LRMDA: variants seen among roughly 807,000 people sequenced by gnomAD.
LRMDA encodes leucine-rich melanocyte differentiation-associated protein.
A neutral mutation model predicts 29.8 loss-of-function variants in LRMDA; 18 were observed. The observed-to-expected ratio is 0.60, with a 90% CI of 0.42 to 0.90. The LOEUF is 0.90. LRMDA is among the 40% of genes least tolerant of loss of function. LRMDA has a pLI of 0.00. For missense variants in LRMDA, 273 were observed against 273.9 expected, an observed-to-expected ratio of 1.00 and a Z score of 0.02; for synonymous variants, 125 against 109.4, an observed-to-expected ratio of 1.14 and a Z score of -0.89.
chr10:76,144,622 A>G (rs542736718), intron 5 of LRMDA, among the ~76,000 whole-genome samples: 1 of 152,206 alleles, frequency 6.6e-6, no homozygotes, highest in Non-Finnish European at 1.5e-5. Context: ...TAGATACACA[A>G]TCATGTCATC....
At chr10:76,424,954 T>C (rs1842108584) in intron 6 of LRMDA, among the ~76,000 whole-genome samples, 2 of 152,230 alleles carry the variant, frequency 1.3e-5, no homozygotes, top group Admixed American at 6.5e-5. Flanking sequence ...CCCATCTCTC[T>C]TTCTATTGAC....
At chr10:76,201,870 G>A (rs1044158244) in intron 5 of LRMDA, among the ~76,000 whole-genome samples, 1 of 152,182 alleles carries the variant, frequency 6.6e-6, no homozygotes, top group Non-Finnish European at 1.5e-5. Flanking sequence ...CAGTTGTGCA[G>A]ATTGGCAGTT....
chr10:76,478,724 A>T (rs1207347751), intron 6 of LRMDA, among the ~76,000 whole-genome samples: 1 of 152,152 alleles, frequency 6.6e-6, no homozygotes, highest in Admixed American at 6.5e-5. Flanking sequence ...GCCATAAAAA[A>T]TGATGAGTTC....
intron 5 of LRMDA, among the ~76,000 whole-genome samples, chr10:76,205,071 T>G (rs1305510656): frequency 6.6e-6 from 1 of 152,176 alleles, no homozygotes; most frequent in Non-Finnish European, 1.5e-5. Context: ...CTAGCAACCG[T>G]GGGATCCTCT....
intron 2 of LRMDA, among the ~76,000 whole-genome samples, chr10:75,688,161 T>C (rs1842104609): frequency 6.6e-6 from 1 of 152,218 alleles, no homozygotes; most frequent in South Asian, 2.1e-4. Context: ...CAAGTCTTAT[T>C]ACTCAAGAAA....
chr10:75,815,043 T>G (rs1032185903), intron 2 of LRMDA, among the ~76,000 whole-genome samples: 1 of 152,176 alleles, frequency 6.6e-6, no homozygotes, highest in Non-Finnish European at 1.5e-5. Flanking sequence ...TATTCAAAAT[T>G]TCCCTACCAT....
chr10:75,875,588 A>G (rs1460296302), intron 2 of LRMDA, among the ~76,000 whole-genome samples: 2 of 152,104 alleles, frequency 1.3e-5, no homozygotes, highest in African/African-American at 2.4e-5. Context: ...ATGCGCCACC[A>G]TGCCCAGCTA....
intron 6 of LRMDA, among the ~76,000 whole-genome samples, chr10:76,523,107 ATTT>A: frequency 6.8e-6 from 1 of 147,350 alleles, no homozygotes; most frequent in East Asian, 2.0e-4. Context: ...CTGACCATTG[ATTT>A]TTTTTTTTTT....
chr10:75,627,184 CT>C (rs1841261196), intron 2 of LRMDA, among the ~76,000 whole-genome samples: 1 of 152,202 alleles, frequency 6.6e-6, no homozygotes, highest in Non-Finnish European at 1.5e-5. Context: ...TTTTCTATGT[CT>C]TTTACTTACC....
At chr10:75,432,709 G>A (rs1844214550) in intron 1 of LRMDA, among the ~76,000 whole-genome samples, 1 of 152,240 alleles carries the variant, frequency 6.6e-6, no homozygotes, top group Non-Finnish European at 1.5e-5. Flanking sequence ...TTGGGCTGAA[G>A]GGAATGATTC....
intron 5 of LRMDA, among the ~76,000 whole-genome samples, chr10:76,299,156 CGTGTGTGTGTGTGTGT>C (rs111635114): frequency 6.8e-6 from 1 of 147,204 alleles, no homozygotes; most frequent in Non-Finnish European, 1.5e-5. Context: ...AGAGAAGAGC[CGTGTGTGTGTGTGTGT>C]GTGTGTGTGT....
chr10:75,811,923 T>A (rs1471710513), intron 2 of LRMDA, among the ~76,000 whole-genome samples: 1 of 152,204 alleles, frequency 6.6e-6, no homozygotes, highest in Non-Finnish European at 1.5e-5. Flanking sequence ...TATACTTTAT[T>A]AGGATTGCCT....
intron 2 of LRMDA, among the ~76,000 whole-genome samples, chr10:75,613,942 G>C (rs182726759): frequency 6.6e-6 from 1 of 152,296 alleles, no homozygotes; most frequent in East Asian, 1.9e-4. Flanking sequence ...AAATTTATCA[G>C]TATGCTTTCT....
chr10:75,766,447 C>T (rs1843169073), intron 2 of LRMDA, among the ~76,000 whole-genome samples: 1 of 152,168 alleles, frequency 6.6e-6, no homozygotes, highest in African/African-American at 2.4e-5. Flanking sequence ...CAGAGCTTCT[C>T]ATTTCCCTCA....
intron 6 of LRMDA, among the ~76,000 whole-genome samples, chr10:76,473,908 A>G (rs1482648283): frequency 8.6e-5 from 13 of 151,602 alleles, no homozygotes; most frequent in Admixed American, 8.6e-4. Context: ...TACTCCACCC[A>G]CATTTGATCT....
intron 5 of LRMDA, among the ~76,000 whole-genome samples, chr10:76,208,019 C>T (rs1479311480): frequency 6.6e-6 from 1 of 152,146 alleles, no homozygotes; most frequent in Non-Finnish European, 1.5e-5. Flanking sequence ...GCACCTCCCT[C>T]TAGACCTTCC....
At chr10:76,512,853 G>A (rs573159339) in intron 6 of LRMDA, among the ~76,000 whole-genome samples, 33 of 152,106 alleles carry the variant, frequency 2.2e-4, no homozygotes, top group South Asian at 4.1e-4. Context: ...TTTTAGGTTC[G>A]TGGTATTCCA....
chr10:75,999,517 C>T (rs999159926), intron 2 of LRMDA, among the ~76,000 whole-genome samples: 8 of 152,150 alleles, frequency 5.3e-5, no homozygotes, highest in Non-Finnish European at 1.2e-4. Flanking sequence ...AATAGATATA[C>T]ATATATATGC....
chr10:76,370,014 C>G (rs1052396891), intron 6 of LRMDA, among the ~76,000 whole-genome samples: 1 of 152,036 alleles, frequency 6.6e-6, no homozygotes, highest in Admixed American at 6.6e-5. Context: ...AAGACTGTAC[C>G]TATAATTTAG....
Sources: gnomAD v4.1 joint callset for allele counts (sites outside exome capture counted in the v4.1 genomes callset) on GRCh38, gnomAD v4.1.1 for gene constraint, MANE v1.5 for transcripts, NCBI Gene and HGNC (gene_info 2026-07-23, HGNC 2026-07-21) for gene names.